NCAM2: variants seen among roughly 807,000 people sequenced by gnomAD.
The protein encoded by NCAM2 is neural cell adhesion molecule 2.
In NCAM2, 30 loss-of-function variants were observed where a neutral mutation model predicts 98.1. That is an observed-to-expected ratio of 0.31 (90% confidence interval 0.23 to 0.41). The LOEUF (loss-of-function observed/expected upper bound fraction) is 0.41. Among genes scored for constraint, NCAM2 ranks in the 10% least tolerant of loss-of-function variants. The pLI is 1.00. For missense variants in NCAM2, 867 were observed against 1,005.8 expected, an observed-to-expected ratio of 0.86 and a Z score of 1.87; for synonymous variants, 368 against 342.4, an observed-to-expected ratio of 1.07 and a Z score of -0.83.
At chr21:21,228,228 T>A (rs775874483) in intron 1 of NCAM2, among the ~76,000 whole-genome samples, 7 of 151,596 alleles carry the variant, frequency 4.6e-5, no homozygotes, top group African/African-American at 1.7e-4. Context: ...TAAAAAGATA[T>A]AAGTCTAATA....
intron 1 of NCAM2, among the ~76,000 whole-genome samples, chr21:21,225,838 A>G (rs1176827435): frequency 6.6e-6 from 1 of 152,066 alleles, no homozygotes; most frequent in East Asian, 1.9e-4. Context: ...ATACGTAGTA[A>G]TATCTAAATT....
intron 1 of NCAM2, among the ~76,000 whole-genome samples, chr21:21,200,847 T>C (rs1425185849): frequency 6.6e-6 from 1 of 151,226 alleles, no homozygotes; most frequent in Non-Finnish European, 1.5e-5. Context: ...TGTGTGTGTG[T>C]TTGTGTGTGT....
At chr21:21,037,800 T>A (rs1185508720) in intron 1 of NCAM2, among the ~76,000 whole-genome samples, 2 of 152,200 alleles carry the variant, frequency 1.3e-5, no homozygotes, top group Admixed American at 1.3e-4. Flanking sequence ...ATCCTTTATA[T>A]ACTACATACT....
chr21:21,011,154 G>GCT (rs571061197), intron 1 of NCAM2, among the ~76,000 whole-genome samples: 1 of 150,498 alleles, frequency 6.6e-6, no homozygotes, highest in Non-Finnish European at 1.5e-5. Flanking sequence ...ACTCTGCAGG[G>GCT]TTTTTTTTTC....
intron 5 of NCAM2, among the ~76,000 whole-genome samples, chr21:21,293,349 C>T (rs1286893465): frequency 2.0e-5 from 3 of 151,478 alleles, no homozygotes; most frequent in South Asian, 4.2e-4. Flanking sequence ...ACAATTCTAC[C>T]TTTCTCTCCA....
At chr21:21,439,753 A>G (rs914954793) in intron 12 of NCAM2, among the ~76,000 whole-genome samples, 5 of 152,218 alleles carry the variant, frequency 3.3e-5, no homozygotes, top group Admixed American at 6.5e-5. Context: ...AATTATTCCT[A>G]TTTCTTTAAA....
chr21:21,532,602 G>A (rs1406879505), intron 16 of NCAM2, among the ~76,000 whole-genome samples: 1 of 152,042 alleles, frequency 6.6e-6, no homozygotes, highest in Non-Finnish European at 1.5e-5. Context: ...TCTGCATTGT[G>A]CTTTAGTTCA....
chr21:21,367,201 G>T (rs1052448282), intron 8 of NCAM2, among the ~76,000 whole-genome samples: 2 of 151,918 alleles, frequency 1.3e-5, no homozygotes, highest in Admixed American at 1.3e-4. Context: ...GTACATTTTA[G>T]ATCTGACTAT....
At chr21:21,247,313 C>T (rs1488649056) in intron 1 of NCAM2, among the ~76,000 whole-genome samples, 5 of 152,032 alleles carry the variant, frequency 3.3e-5, no homozygotes, top group African/African-American at 9.7e-5. Context: ...AGCAAGACTC[C>T]GTCTCAAACA....
At chr21:21,265,403 T>TATATGTGTATATATA (rs1271921831) in intron 1 of NCAM2, among the ~76,000 whole-genome samples, 1 of 123,266 alleles carries the variant, frequency 8.1e-6, no homozygotes, top group Non-Finnish European at 1.6e-5. Flanking sequence ...CCATATATTA[T>TATATGTGTATATATA]ATATGTGTAT....
intron 11 of NCAM2, among the ~76,000 whole-genome samples, chr21:21,426,384 A>G (rs1017032897): frequency 6.6e-6 from 1 of 152,114 alleles, no homozygotes; most frequent in African/African-American, 2.4e-5. Context: ...TTATGTTCCA[A>G]TTCTTTTAGT....
intron 1 of NCAM2, among the ~76,000 whole-genome samples, chr21:21,046,155 C>T (rs1439192379): frequency 2.0e-5 from 3 of 152,138 alleles, no homozygotes; most frequent in African/African-American, 7.2e-5. Context: ...AGCTGTTACC[C>T]ATGTTTTTTA....
intron 1 of NCAM2, among the ~76,000 whole-genome samples, chr21:21,178,712 C>G (rs1260954623): frequency 6.6e-6 from 1 of 151,580 alleles, no homozygotes; most frequent in African/African-American, 2.4e-5. Context: ...AGCTTTTATT[C>G]TAGTCTATAT....
chr21:21,340,856 C>A (rs1270477358), intron 8 of NCAM2, among the ~76,000 whole-genome samples: 4 of 151,884 alleles, frequency 2.6e-5, no homozygotes, highest in Non-Finnish European at 1.5e-5. Context: ...AATAACATTA[C>A]CAGTGTTATT....
In NCAM2 at chr21:21,275,674, A is replaced by G. The variant is rs1402661807; in HGVS notation, c.56-4904A>G. The stretch of plus-strand genomic sequence containing the variant: ...CTTTGACTTTTCTCCTTTATCACTA[A>G]TGCTTTAACTGATCACAGATGTAAC... On this transcript the variant is annotated intron_variant, in intron 1 of 17. Coordinates refer to ENST00000400546, the MANE Select transcript of NCAM2 (RefSeq NM_004540.5). Among the ~76,000 whole-genome samples the G allele has an allele frequency of 5.3e-5, 8 of 152,138 alleles. No homozygotes were observed. The East Asian group carries it at 1.6e-3, about 29-fold the overall frequency.
At chr21:21,080,916 A>G (rs1384188855) in intron 1 of NCAM2, among the ~76,000 whole-genome samples, 1 of 152,130 alleles carries the variant, frequency 6.6e-6, no homozygotes, top group Non-Finnish European at 1.5e-5. Flanking sequence ...ATGAAAGTTT[A>G]TTAAAACGCT....
chr21:21,128,842 C>T (rs1382873209), intron 1 of NCAM2, among the ~76,000 whole-genome samples: 1 of 151,926 alleles, frequency 6.6e-6, no homozygotes, highest in African/African-American at 2.4e-5. Flanking sequence ...TATTACTATA[C>T]AAAATCAAAT....
chr21:21,325,000 T>TGAG (rs10680102), intron 6 of NCAM2, among the ~76,000 whole-genome samples: 109,669 of 151,546 alleles, frequency 0.72, 39,863 homozygotes, highest in Non-Finnish European at 0.78. Context: ...CCTCATCAAA[T>TGAG]GAAATTCTGT....
At chr21:21,083,518 A>G (rs2065851138) in intron 1 of NCAM2, among the ~76,000 whole-genome samples, 1 of 151,000 alleles carries the variant, frequency 6.6e-6, no homozygotes, top group Non-Finnish European at 1.5e-5. Context: ...CCTCCCCGTG[A>G]TCCTCCCTTC....
Sources: allele counts gnomAD v4.1 joint callset (sites outside exome capture counted in the v4.1 genomes callset), GRCh38; gene constraint gnomAD v4.1.1; transcripts MANE v1.5; gene names NCBI Gene and HGNC (gene_info 2026-07-23, HGNC 2026-07-21).